The following TRPM7 variants were observed in gnomAD, a reference collection of about 807,000 sequenced individuals.
The protein encoded by TRPM7 is transient receptor potential cation channel subfamily M member 7.
A neutral mutation model predicts 229.7 loss-of-function variants in TRPM7; 134 were observed. That is an observed-to-expected ratio of 0.58 (90% CI 0.51 to 0.67). The LOEUF (loss-of-function observed/expected upper bound fraction) is 0.67. TRPM7 is among the 30% of genes least tolerant of loss of function. TRPM7 has a pLI of 0.00. For synonymous variants in TRPM7, 699 were observed against 715.2 expected, an observed-to-expected ratio of 0.98 and a Z score of 0.36; for missense variants, 1,901 against 2,210.0, an observed-to-expected ratio of 0.86 and a Z score of 2.80.
Position 50,578,663 on chromosome 15 carries a change from G to A in TRPM7, c.4594C>T (p.Pro1532Ser). ...LQDRPSNREM[P>S]SEEGTLNGLT... Reference sequence around the variant, plus strand: ...CCATTTAATGTTCCTTCTTCAGATGGCCTAAAGAAACACCAAAAAATATAG... The same window carrying A: ...CCATTTAATGTTCCTTCTTCAGATGACCTAAAGAAACACCAAAAAATATAG... Residue 1532 changes from proline (P) to serine (S), a missense_variant and splice_region_variant, in exon 31 of 39, where the codon CCA (proline) becomes TCA (serine). Physicochemically the swap from Pro to Ser is moderately conservative, Grantham distance 74 (BLOSUM62 -1). Transcript: ENST00000646667. 2 of 1,606,174 alleles carry A rather than the reference G, an allele frequency of 1.2e-6. No homozygotes were observed. Among genetic ancestry groups the A allele is most frequent in the Non-Finnish European group, 1.7e-6 (2 of 1,175,530 alleles).
chr15:50,596,724 G>A (rs2140387740), intron 22 of TRPM7, among the ~76,000 whole-genome samples: 1 of 152,316 alleles, frequency 6.6e-6, no homozygotes, highest in Middle Eastern at 3.4e-3. Context: ...TCAACCATAT[G>A]ATAATATTTC....
At position 50,574,411 on chromosome 15, in the gene TRPM7, G is replaced by C. The variant is rs1338951503; in HGVS notation, c.5171C>G (p.Thr1724Ser). ...ATTGTTGTATTTTCTAAATTCTCCAGTCATACATTCTTCCACAGCAAACCA... is the reference window on the plus strand; with the variant it reads ...ATTGTTGTATTTTCTAAATTCTCCACTCATACATTCTTCCACAGCAAACCA... ...GQWFAVEECM[T>S]GEFRKYNNNN... Residue 1724 changes from threonine (T) to serine (S), a missense_variant, in exon 36 of 39, where the codon ACT becomes AGT. Thr to Ser is a moderately conservative substitution (Grantham distance 58). This residue lies in a region of TRPM7 where 257 missense variants were observed against 352.0 expected (regional missense o/e 0.73). Coordinates refer to ENST00000646667, the MANE Select transcript of TRPM7 (RefSeq NM_017672.6). 4 of 1,613,732 alleles carry C rather than the reference G, an allele frequency of 2.5e-6. No homozygotes were observed. The highest frequency in any genetic ancestry group is 1.7e-5 in the Admixed American group (1 of 60,002).
chr15:50,636,906 G>C (rs958409722), intron 7 of TRPM7, among the ~76,000 whole-genome samples: 3 of 152,146 alleles, frequency 2.0e-5, no homozygotes, highest in African/African-American at 7.2e-5. Context: ...GAGACGGGCA[G>C]ATCATGAAGT....
intron 27 of TRPM7, chr15:50,588,352 A>G (rs1421503416): frequency 6.9e-6 from 2 of 291,584 alleles, no homozygotes; most frequent in African/African-American, 4.6e-5. Flanking sequence ...GCATATAATA[A>G]CCAATTAAAT....
At chr15:50,637,325 G>C (rs756565935) in intron 7 of TRPM7, 97 bp downstream of exon 7, 1 of 1,135,342 alleles carries the variant, frequency 8.8e-7, no homozygotes, top group Non-Finnish European at 1.3e-6. Context: ...TGCTATGTAA[G>C]AAAGAGCACT....
At position 50,591,987 on chromosome 15, in the gene TRPM7, T is replaced by C; in HGVS notation, c.4248A>G (p.Glu1416=). The C allele has an allele frequency of 6.2e-7, 1 of 1,610,406 alleles. No homozygotes were observed. The highest frequency in any genetic ancestry group is 8.5e-7 in the Non-Finnish European group (1 of 1,179,034). The part of the protein sequence containing the change: ...PSQPSCKSHL[E]TGTKDQETVC... ...CAGTTTCTTGATCTTTGGTTCCAGTTTCCAAGTGGCTTTTGCAACTTGGCT... is the reference window on the plus strand; with the variant it reads ...CAGTTTCTTGATCTTTGGTTCCAGTCTCCAAGTGGCTTTTGCAACTTGGCT... The change falls in exon 26 of 39, where the codon GAA becomes GAG. Residue 1416 remains glutamate (E), a synonymous_variant. Coordinates refer to ENST00000646667, the MANE Select transcript of TRPM7 (RefSeq NM_017672.6).
At position 50,568,165 on chromosome 15, in the gene TRPM7, A is replaced by G. The variant is rs574438055; in HGVS notation, c.5467+1722T>C. On this transcript the variant is annotated intron_variant, in intron 38 of 38. Coordinates refer to ENST00000646667, the MANE Select transcript of TRPM7 (RefSeq NM_017672.6). The stretch of plus-strand genomic sequence containing the variant: ...TAGAAGGAAATTTCTTCAGCCTCAT[A>G]AAGTGCATCTACAAAATCCTTAAAG... Among the ~76,000 whole-genome samples, 8 of 151,676 alleles carry G rather than the reference A, an allele frequency of 5.3e-5. No homozygotes were observed. In the East Asian group the frequency reaches 7.7e-4, roughly 15 times the overall value.
chr15:50,684,331 T>C (rs1360144134), intron 1 of TRPM7, among the ~76,000 whole-genome samples: 1 of 151,896 alleles, frequency 6.6e-6, no homozygotes, highest in Non-Finnish European at 1.5e-5. Flanking sequence ...GATTAACTAC[T>C]AACTAGTTCA....
At chr15:50,617,293 C>G (rs1350753188) in intron 13 of TRPM7, among the ~76,000 whole-genome samples, 2 of 150,452 alleles carry the variant, frequency 1.3e-5, no homozygotes, top group Non-Finnish European at 3.0e-5. Flanking sequence ...CAAAATCGCG[C>G]CAACTGCACT....
At chr15:50,614,016 C>G (rs2060142534) in intron 14 of TRPM7, 107 bp downstream of exon 14, 1 of 1,366,414 alleles carries the variant, frequency 7.3e-7, no homozygotes, top group African/African-American at 1.5e-5. Flanking sequence ...AAATGTTCAA[C>G]TTTATGACAG....
rs1475169485 is a variant in TRPM7 at position 50,571,395 on chromosome 15, G to A, written c.5309-1240C>T. 3.9e-5 allele frequency among the ~76,000 whole-genome samples: 6 copies of A among 152,344 alleles called. No homozygotes were observed. In the East Asian group the frequency reaches 1.2e-3, roughly 29 times the overall value. ...TTACTTTAAGGAAATAAAAGTAGCA[G>A]TGCATGAGAATGGTTTGCTGCAAGC... On this transcript the variant is annotated intron_variant, in intron 36 of 38. Coordinates refer to ENST00000646667, the MANE Select transcript of TRPM7 (RefSeq NM_017672.6).
Position 50,558,779 on chromosome 15 carries a change from C to G in TRPM7, c.*2899G>C, listed in dbSNP as rs957316400. On this transcript the variant is annotated 3_prime_UTR_variant, in exon 39 of 39. Transcript: ENST00000646667. The stretch of plus-strand genomic sequence containing the variant: ...GTGGTGGTGCATGCCTGTGGTTCCA[C>G]CTAATCAAGAGGCAGTGGCAGGAGG... 6.6e-5 allele frequency: 10 copies of G among 151,970 alleles called. No individual in the cohort carries two copies. Among genetic ancestry groups the G allele is most frequent in the African/African-American group, 2.4e-4 (10 of 41,368 alleles). 9.4% of individuals were successfully genotyped at this position (151,970 alleles called of 1,614,324 possible).
intron 1 of TRPM7, among the ~76,000 whole-genome samples, chr15:50,677,753 A>AC (rs1213493201): frequency 2.0e-5 from 3 of 150,158 alleles, no homozygotes; most frequent in East Asian, 3.9e-4. Flanking sequence ...AAAAAAAAAA[A>AC]AAAAAAACAA....
chr15:50,605,165 A>AC (rs1389063079), intron 20 of TRPM7, 21 bp from the exon 21 acceptor site: 1 of 1,548,204 alleles, frequency 6.5e-7, no homozygotes, highest in Admixed American at 2.1e-5. Context: ...AACAACAACA[A>AC]AAAAAAGTGT....
At position 50,560,301 on chromosome 15, in the gene TRPM7, C is replaced by T. The variant is rs894568268; in HGVS notation, c.*1377G>A. The T allele has an allele frequency of 6.6e-6, 1 of 152,422 alleles. No individual in the cohort carries two copies. The highest frequency in any genetic ancestry group is 6.6e-5 in the Admixed American group (1 of 15,262). The allele number at this position is 152,422 out of a possible 1,614,324, so 9.4% of individuals were successfully genotyped here. A position where few individuals can be genotyped will look rare whatever the true frequency, so the allele number is the denominator to read the frequency against. Reference sequence around the variant, plus strand: ...ATTAAACTCACTAAACATCTGTAAACAATAAATTTATTTCATTTCTTTTAA... The same window carrying T: ...ATTAAACTCACTAAACATCTGTAAATAATAAATTTATTTCATTTCTTTTAA... On this transcript the variant is annotated 3_prime_UTR_variant, in exon 39 of 39. Transcript: ENST00000646667.
chr15:50,671,626 T>C (rs1185312412), intron 1 of TRPM7, among the ~76,000 whole-genome samples: 1 of 144,038 alleles, frequency 6.9e-6, no homozygotes, highest in Non-Finnish European at 1.5e-5. Flanking sequence ...CTGGGCAGCA[T>C]AATGAGATCC....
intron 6 of TRPM7, among the ~76,000 whole-genome samples, chr15:50,638,705 A>ATGTATGTATGT (rs1567060080): frequency 4.9e-5 from 3 of 61,420 alleles, no homozygotes; most frequent in Non-Finnish European, 1.4e-4. Flanking sequence ...TGTATGTATG[A>ATGTATGTATGT]GATGGAGTTT....
Position 50,651,841 on chromosome 15 carries a change from C to T in TRPM7, c.123-2956G>A, listed in dbSNP as rs1045903815. Among the ~76,000 whole-genome samples, 3 of 151,710 alleles carry T rather than the reference C, an allele frequency of 2.0e-5. No homozygotes were observed. The South Asian group carries it at 6.2e-4, about 32-fold the overall frequency. ...GGTGGGGGTTGCAGTGAGCTGAGAT[C>T]GCGCCACTGCACATCCAGCCTGGCG... On this transcript the variant is annotated intron_variant, in intron 3 of 38. Coordinates refer to ENST00000646667, the MANE Select transcript of TRPM7 (RefSeq NM_017672.6).
intron 20 of TRPM7, 50 bp downstream of exon 20, chr15:50,607,150 A>G (rs1420002927): frequency 6.5e-7 from 1 of 1,548,126 alleles, no homozygotes; most frequent in East Asian, 2.3e-5. Flanking sequence ...AAAACAGAAA[A>G]TCTTCCATGT....
Sources: gnomAD v4.1 joint callset for allele counts (sites outside exome capture counted in the v4.1 genomes callset) on GRCh38, gnomAD v4.1.1 for gene constraint, gnomAD v4.1.1 regional missense constraint, MANE v1.5 for transcripts, NCBI Gene and HGNC (gene_info 2026-07-23, HGNC 2026-07-21) for gene names.